The following NRXN1 variants were observed in gnomAD, a reference collection of about 807,000 sequenced individuals.
NRXN1 encodes the protein neurexin-1.
Under a neutral mutation model 150.9 loss-of-function variants are expected in NRXN1, and 39 were observed. That is an observed-to-expected ratio of 0.26 (90% CI 0.20 to 0.34). The LOEUF is 0.34. NRXN1 is among the 10% of genes least tolerant of loss of function. The pLI, the probability that NRXN1 is intolerant of heterozygous loss-of-function variation, is 1.00. For synonymous variants in NRXN1, 924 were observed against 757.0 expected (o/e 1.22, Z -3.62); for missense variants, 1,815 against 1,949.9 (o/e 0.93, Z 1.30).
intron 5 of NRXN1, among the ~76,000 whole-genome samples, chr2:50,693,447 C>T (rs1441100970): frequency 6.6e-6 from 1 of 152,116 alleles, no homozygotes; most frequent in Non-Finnish European, 1.5e-5. Context: ...AACTGTGGTC[C>T]TTTGGTCCAC....
At chr2:50,149,680 A>AT (rs550577630) in intron 18 of NRXN1, among the ~76,000 whole-genome samples, 101 of 151,704 alleles carry the variant, frequency 6.7e-4, no homozygotes, top group South Asian at 2.1e-3. Flanking sequence ...GGGAATAGAG[A>AT]TTTTACTTTC....
At chr2:50,997,017 T>C (rs1054838775) in intron 2 of NRXN1, among the ~76,000 whole-genome samples, 2 of 152,028 alleles carry the variant, frequency 1.3e-5, no homozygotes, top group Non-Finnish European at 2.9e-5. Flanking sequence ...TACTTTTTTT[T>C]CAATGGATCC....
intron 5 of NRXN1, among the ~76,000 whole-genome samples, chr2:50,668,949 G>A (rs751085057): frequency 3.3e-5 from 5 of 151,896 alleles, no homozygotes; most frequent in Non-Finnish European, 5.9e-5. Context: ...TTTCAGTGTC[G>A]AAATAAAAAT....
intron 5 of NRXN1, among the ~76,000 whole-genome samples, chr2:50,811,904 G>T (rs1009255134): frequency 6.6e-6 from 1 of 151,936 alleles, no homozygotes; most frequent in Non-Finnish European, 1.5e-5. Context: ...TAAAAATGTG[G>T]CTCCATATTA....
chr2:50,637,357 T>C (rs563467239), intron 5 of NRXN1, among the ~76,000 whole-genome samples: 12 of 152,168 alleles, frequency 7.9e-5, no homozygotes, highest in Non-Finnish European at 1.8e-4. Flanking sequence ...TTTTCTCAAG[T>C]ATCTGAAGGG....
At chr2:50,821,785 G>A (rs1010354864) in intron 5 of NRXN1, among the ~76,000 whole-genome samples, 1 of 152,142 alleles carries the variant, frequency 6.6e-6, no homozygotes, top group Non-Finnish European at 1.5e-5. Flanking sequence ...AAATTACACT[G>A]ATTTAGCTCA....
chr2:50,122,064 G>A (rs1464739452), intron 18 of NRXN1, among the ~76,000 whole-genome samples: 2 of 152,162 alleles, frequency 1.3e-5, no homozygotes, highest in Non-Finnish European at 2.9e-5. Flanking sequence ...AACATATGCT[G>A]AATACAACTA....
chr2:50,312,925 T>G (rs902470045), intron 17 of NRXN1, among the ~76,000 whole-genome samples: 3 of 152,116 alleles, frequency 2.0e-5, no homozygotes, highest in African/African-American at 7.2e-5. Flanking sequence ...AGAATTCTGA[T>G]GGAGTTCTTG....
At chr2:50,690,683 C>G (rs1016587622) in intron 5 of NRXN1, among the ~76,000 whole-genome samples, 1 of 152,180 alleles carries the variant, frequency 6.6e-6, no homozygotes, top group African/African-American at 2.4e-5. Flanking sequence ...TGTACTGAAG[C>G]ACTCTTATCC....
chr2:50,876,227 T>C (rs1379209801), intron 5 of NRXN1, among the ~76,000 whole-genome samples: 1 of 147,324 alleles, frequency 6.8e-6, no homozygotes, highest in Non-Finnish European at 1.5e-5. Flanking sequence ...GAAACTAAGA[T>C]TTTTTTTTTC....
intron 14 of NRXN1, 63 bp downstream of exon 14, chr2:50,497,270 T>C: frequency 7.7e-7 from 1 of 1,305,004 alleles, no homozygotes; most frequent in Non-Finnish European, 1.0e-6. Flanking sequence ...TGTATATTTT[T>C]GGAAATTGAC....
chr2:51,030,390 G>A (rs1028600142), intron 1 of NRXN1, among the ~76,000 whole-genome samples: 16 of 152,016 alleles, frequency 1.1e-4, no homozygotes, highest in African/African-American at 3.9e-4. Context: ...ACCGCATTGT[G>A]CTGCTGCTTC....
chr2:50,615,923 C>G (rs1347479519), intron 8 of NRXN1: 1 of 152,092 alleles, frequency 6.6e-6, no homozygotes, highest in Non-Finnish European at 1.5e-5. Context: ...TCAGTGTTAT[C>G]AAAATGCAAA....
At chr2:50,040,385 C>T (rs1386777024) in intron 21 of NRXN1, among the ~76,000 whole-genome samples, 1 of 150,746 alleles carries the variant, frequency 6.6e-6, no homozygotes, top group African/African-American at 2.4e-5. Context: ...ATATTTTATA[C>T]ACATACAGAC....
chr2:49,934,716 A>T (rs1184840651), intron 22 of NRXN1, among the ~76,000 whole-genome samples: 1 of 152,108 alleles, frequency 6.6e-6, no homozygotes, highest in African/African-American at 2.4e-5. Flanking sequence ...TGCTGCTGGG[A>T]GTATTCCTGA....
intron 17 of NRXN1, among the ~76,000 whole-genome samples, chr2:50,264,710 A>G (rs1172529801): frequency 2.0e-5 from 3 of 152,144 alleles, no homozygotes; most frequent in African/African-American, 7.2e-5. Flanking sequence ...TTATATGTCA[A>G]TTTTCTTAAC....
At chr2:50,250,748 G>A (rs571283575) in intron 17 of NRXN1, among the ~76,000 whole-genome samples, 2 of 151,836 alleles carry the variant, frequency 1.3e-5, no homozygotes, top group South Asian at 4.2e-4. Flanking sequence ...ATCATAAATT[G>A]TGTCATTCTA....
At chr2:50,826,401 G>A (rs1559317410) in intron 5 of NRXN1, among the ~76,000 whole-genome samples, 1 of 152,170 alleles carries the variant, frequency 6.6e-6, no homozygotes, top group Non-Finnish European at 1.5e-5. Context: ...GTATGATGCA[G>A]CCTGGAGTCA....
chr2:50,510,894 T>A (rs910371360), intron 12 of NRXN1, among the ~76,000 whole-genome samples: 1 of 152,130 alleles, frequency 6.6e-6, no homozygotes, highest in African/African-American at 2.4e-5. Context: ...CAGGCTAATG[T>A]TATATTAAAG....
Sources: gnomAD v4.1 joint callset for allele counts (sites outside exome capture counted in the v4.1 genomes callset) on GRCh38, gnomAD v4.1.1 for gene constraint, MANE v1.5 for transcripts, NCBI Gene and HGNC (gene_info 2026-07-23, HGNC 2026-07-21) for gene names.